PLEKHB2: variants seen among roughly 807,000 people sequenced by gnomAD.
PLEKHB2 encodes pleckstrin homology domain-containing family B member 2.
PLEKHB2 carries 31 observed loss-of-function variants against 36.5 expected under a neutral mutation model. That is an observed-to-expected ratio of 0.85 (90% confidence interval 0.64 to 1.15). The LOEUF is 1.15. Among genes scored for constraint, PLEKHB2 ranks in the 50% most tolerant of loss-of-function variants. The probability of loss-of-function intolerance (pLI) is 0.00; values close to 1 mark genes in which losing one functional copy is unlikely to be tolerated. For missense variants in PLEKHB2, 262 were observed against 295.3 expected (o/e 0.89, Z 0.83); for synonymous variants, 119 against 112.0 (o/e 1.06, Z -0.39).
At chr2:131,116,119 A>C (rs974265595) in intron 1 of PLEKHB2, among the ~76,000 whole-genome samples, 3 of 152,232 alleles carry the variant, frequency 2.0e-5, no homozygotes, top group African/African-American at 7.2e-5. Flanking sequence ...TCTGTCTCAT[A>C]ATCTGATTTC....
chr2:131,121,846 C>T (rs1039571446), intron 2 of PLEKHB2, among the ~76,000 whole-genome samples: 2 of 152,120 alleles, frequency 1.3e-5, no homozygotes, highest in Non-Finnish European at 2.9e-5. Flanking sequence ...GTCTTTCATA[C>T]ACTGTCTGCT....
chr2:131,116,046 G>A (rs1695840224), intron 1 of PLEKHB2, among the ~76,000 whole-genome samples: 1 of 152,208 alleles, frequency 6.6e-6, no homozygotes, highest in Non-Finnish European at 1.5e-5. Flanking sequence ...ACTTGAGTCA[G>A]CAGAGGAATT....
Position 131,139,441 on chromosome 2 carries a change from CAT to C in PLEKHB2, c.424-725_424-724del, listed in dbSNP as rs149587750. Among the ~76,000 whole-genome samples, 321 of 152,318 alleles carry C rather than the reference CAT, an allele frequency of 2.1e-3. 1 individual carries two copies. Among genetic ancestry groups the C allele is most frequent in the African/African-American group, 5.7e-3 (235 of 41,576 alleles). On this transcript the variant is annotated intron_variant, in intron 6 of 7. Transcript: ENST00000693505. ...AAGATAACAGGTTTAGATCTACACA[CAT>C]GTTTGCCTGGCTACAACTCTGTTCT... is the stretch of plus-strand genomic sequence containing the variant.
At chr2:131,111,821 T>A (rs961747772) in intron 1 of PLEKHB2, among the ~76,000 whole-genome samples, 1 of 152,220 alleles carries the variant, frequency 6.6e-6, no homozygotes, top group Non-Finnish European at 1.5e-5. Flanking sequence ...TTTTCTTTTG[T>A]ACCCAGCATT....
chr2:131,119,172 C>G (rs1331891253), intron 1 of PLEKHB2, among the ~76,000 whole-genome samples: 1 of 151,932 alleles, frequency 6.6e-6, no homozygotes, highest in Non-Finnish European at 1.5e-5. Flanking sequence ...AGGAAAATTG[C>G]TTGAACGTGG....
chr2:131,133,370 A>G (rs1697914132), intron 6 of PLEKHB2, among the ~76,000 whole-genome samples: 1 of 152,244 alleles, frequency 6.6e-6, no homozygotes, highest in South Asian at 2.1e-4. Context: ...TGTCAAATAC[A>G]TTGGGATGTC....
chr2:131,126,180 T>G (rs1697083224), intron 3 of PLEKHB2, among the ~76,000 whole-genome samples: 1 of 152,080 alleles, frequency 6.6e-6, no homozygotes, highest in South Asian at 2.1e-4. Flanking sequence ...CTACGTTGAT[T>G]TTGTACTCAG....
chr2:131,122,434 A>G (rs1476587753), intron 2 of PLEKHB2, among the ~76,000 whole-genome samples: 1 of 152,232 alleles, frequency 6.6e-6, no homozygotes. Context: ...AGTCAAGTCT[A>G]CCAGTAAGAA....
chr2:131,117,366 G>A lies in PLEKHB2; in HGVS notation c.-8-3568G>A, dbSNP rs544593541. Among the ~76,000 whole-genome samples the A allele has an allele frequency of 6.6e-5, 10 of 152,300 alleles. No homozygotes were observed. The South Asian group carries it at 1.9e-3, about 28-fold the overall frequency. ...TGCTTGAACCTGGGAGGTGGAGGCT[G>A]CAGCGAGCGGAGATCATTGCACTCC... On this transcript the variant is annotated intron_variant, in intron 1 of 7. Coordinates refer to ENST00000693505, the MANE Select transcript of PLEKHB2 (RefSeq NM_001100623.2).
At chr2:131,138,733 G>A (rs1247787024) in intron 6 of PLEKHB2, among the ~76,000 whole-genome samples, 1 of 152,178 alleles carries the variant, frequency 6.6e-6, no homozygotes, top group Non-Finnish European at 1.5e-5. Context: ...TACCATGATT[G>A]CCACTGAGAG....
chr2:131,126,314 GCAGGAGTTCAAGACCA>G (rs1322107182), intron 3 of PLEKHB2, among the ~76,000 whole-genome samples: 1 of 152,048 alleles, frequency 6.6e-6, no homozygotes, highest in Non-Finnish European at 1.5e-5. Context: ...GATCACGAGG[GCAGGAGTTCAAGACCA>G]CCCTGGCCAA....
Position 131,120,957 on chromosome 2 carries a change from A to G in PLEKHB2, c.16A>G (p.Ser6Gly), listed in dbSNP as rs576906869. The G allele has an allele frequency of 6.2e-7, 1 of 1,614,208 alleles. No homozygotes were observed. The highest frequency in any genetic ancestry group is 2.2e-5 in the East Asian group (1 of 44,876). Residue 6 changes from serine to glycine, a missense_variant, in exon 2 of 8, where the codon AGT becomes GGT. Physicochemically the swap from Ser to Gly is moderately conservative, Grantham distance 56. Transcript: ENST00000693505. MAFVK[S>G]GWLLRQSTIL... ...AGGTGAAGAGATGGCGTTTGTGAAG[A>G]GTGGCTGGTTGCTGCGACAGAGTGA...
At chr2:131,106,799 G>A (rs1405840757) in intron 1 of PLEKHB2, among the ~76,000 whole-genome samples, 1 of 152,152 alleles carries the variant, frequency 6.6e-6, no homozygotes, top group African/African-American at 2.4e-5. Context: ...TGTGTTGCAG[G>A]GTTTCCCTAA....
At chr2:131,134,475 T>G (rs112116312) in intron 6 of PLEKHB2, among the ~76,000 whole-genome samples, 3,280 of 152,338 alleles carry the variant, frequency 0.022, 122 homozygotes, top group African/African-American at 0.074. Context: ...TTTATAATTA[T>G]TCTGTATTAA....
rs1573642633 is a variant in PLEKHB2 at position 131,145,304 on chromosome 2, C to G, written c.533-1333C>G. 3.3e-5 allele frequency among the ~76,000 whole-genome samples: 5 copies of G among 152,266 alleles called. 1 individual carries two copies. The South Asian group carries it at 1.0e-3, about 32-fold the overall frequency. Reference sequence around the variant, plus strand: ...GCGGGTTTCACTTCTGCTCTTCATCCACATGTGCACATCACTAGTGACTAG... The same window carrying G: ...GCGGGTTTCACTTCTGCTCTTCATCGACATGTGCACATCACTAGTGACTAG... On this transcript the variant is annotated intron_variant, in intron 7 of 7. Coordinates refer to ENST00000693505, the MANE Select transcript of PLEKHB2 (RefSeq NM_001100623.2).
chr2:131,133,901 GTTT>G (rs537745063), intron 6 of PLEKHB2, among the ~76,000 whole-genome samples: 2,896 of 137,858 alleles, frequency 0.021, 96 homozygotes, highest in African/African-American at 0.072. Context: ...TTGCTGAGTG[GTTT>G]TTTTTTTTTT....
chr2:131,139,146 C>T (rs1698540584), intron 6 of PLEKHB2, among the ~76,000 whole-genome samples: 1 of 152,162 alleles, frequency 6.6e-6, no homozygotes, highest in African/African-American at 2.4e-5. Context: ...GAGAGCAGCT[C>T]TTCTCAGGGT....
intron 1 of PLEKHB2, among the ~76,000 whole-genome samples, chr2:131,110,913 T>C (rs1019693188): frequency 5.9e-5 from 9 of 152,340 alleles, no homozygotes; most frequent in African/African-American, 1.9e-4. Context: ...ATCTTTTGAA[T>C]CTAGAAATGT....
At chr2:131,127,749 C>T (rs1009588607) in intron 4 of PLEKHB2, among the ~76,000 whole-genome samples, 1 of 152,202 alleles carries the variant, frequency 6.6e-6, no homozygotes, top group African/African-American at 2.4e-5. Flanking sequence ...ATCCCAGAAG[C>T]AGTGACAAGA....
Sources: gnomAD v4.1 joint callset for allele counts (sites outside exome capture counted in the v4.1 genomes callset) on GRCh38, gnomAD v4.1.1 for gene constraint, MANE v1.5 for transcripts, NCBI Gene and HGNC (gene_info 2026-07-23, HGNC 2026-07-21) for gene names.